The following RB1CC1 variants were observed in gnomAD, a reference collection of about 807,000 sequenced individuals.
The protein encoded by RB1CC1 is RB1-inducible coiled-coil protein 1.
RB1CC1 carries 46 observed loss-of-function variants against 177.5 expected under a neutral mutation model. The ratio of observed to expected loss-of-function variants is 0.26; its 90% CI spans 0.20 to 0.33. The LOEUF is 0.33. Ranked by LOEUF, RB1CC1 falls within the 10% of genes least tolerant of loss-of-function variation. RB1CC1 has a pLI of 1.00. For synonymous variants in RB1CC1, 666 were observed against 613.6 expected (o/e 1.09, Z -1.26); for missense variants, 1,703 against 1,816.3 (o/e 0.94, Z 1.13).
At chr8:52,701,111 T>C (rs1461258045) in intron 1 of RB1CC1, among the ~76,000 whole-genome samples, 1 of 152,076 alleles carries the variant, frequency 6.6e-6, no homozygotes, top group Non-Finnish European at 1.5e-5. Flanking sequence ...TATAACAATG[T>C]GTGAAGGACC....
At chr8:52,667,213 T>C (rs1852145192) in intron 8 of RB1CC1, among the ~76,000 whole-genome samples, 1 of 152,152 alleles carries the variant, frequency 6.6e-6, no homozygotes, top group Non-Finnish European at 1.5e-5. Context: ...AAATTGAACT[T>C]ATCACTAAAA....
intron 15 of RB1CC1, among the ~76,000 whole-genome samples, chr8:52,650,103 G>A (rs1398808495): frequency 6.6e-6 from 1 of 152,190 alleles, no homozygotes; most frequent in African/African-American, 2.4e-5. Context: ...CTCCTTGGCA[G>A]CTGGCCCCTC....
At position 52,668,083 on chromosome 8, in the gene RB1CC1, C is replaced by T. The variant is rs750311892; in HGVS notation, c.1111G>A (p.Ala371Thr). 49 of 1,614,108 alleles carry T rather than the reference C, an allele frequency of 3.0e-5. No homozygotes were observed. The highest frequency in any genetic ancestry group is 3.3e-4 in the Middle Eastern group (2 of 6,062). Residue 371 changes from alanine (A) to threonine (T), a missense_variant, in exon 8 of 24, where the codon GCC becomes ACC. Ala to Thr is a moderately conservative substitution (Grantham distance 58). This residue lies in a region of RB1CC1 where 315 missense variants were observed against 304.9 expected (regional missense o/e 1.03). Coordinates refer to ENST00000025008, the MANE Select transcript of RB1CC1 (RefSeq NM_014781.5). ...CAGCTAGCAATCATCTGGTCCAGGG[C>T]GTAGAGCCGATCTTCAAGTCCTTTA... is the stretch of plus-strand genomic sequence containing the variant. The part of the protein sequence containing the change: ...AIKGLEDRLY[A>T]LDQMIASCGR...
At chr8:52,698,297 T>C (rs1855637675) in intron 1 of RB1CC1, among the ~76,000 whole-genome samples, 3 of 152,086 alleles carry the variant, frequency 2.0e-5, no homozygotes, top group South Asian at 4.2e-4. Context: ...CAGGGTTGTC[T>C]TGAATAGAAA....
chr8:52,676,278 C>T (rs1422778798), intron 6 of RB1CC1, 91 bp downstream of exon 6: 4 of 1,135,754 alleles, frequency 3.5e-6, no homozygotes, highest in Non-Finnish European at 5.2e-6. Flanking sequence ...AAATATATGG[C>T]CTATAAGAAA....
At chr8:52,645,662 T>A in intron 16 of RB1CC1, 40 bp downstream of exon 16, 1 of 1,578,250 alleles carries the variant, frequency 6.3e-7, no homozygotes, top group Non-Finnish European at 8.6e-7. Context: ...TATGTCTACC[T>A]TCTTTAGTTC....
chr8:52,714,094 C>G lies in RB1CC1; in HGVS notation c.-186G>C. 2.8e-6 allele frequency: 1 copy of G among 352,158 alleles called. No individual in the cohort carries two copies. Among genetic ancestry groups the G allele is most frequent in the Non-Finnish European group, 5.7e-6 (1 of 174,538 alleles). 21.8% of individuals were successfully genotyped at this position (352,158 alleles called of 1,614,324 possible). A position where few individuals can be genotyped will look rare whatever the true frequency, so the allele number is the denominator to read the frequency against. On this transcript the variant is annotated 5_prime_UTR_variant, in exon 1 of 24. Coordinates refer to ENST00000025008, the MANE Select transcript of RB1CC1 (RefSeq NM_014781.5). ...ACTTACCCGGCAACGCCTCCTCCTT[C>G]GCCGGCGGCAGCAGCAGAGCCAGCG... is the stretch of plus-strand genomic sequence containing the variant.
intron 15 of RB1CC1, among the ~76,000 whole-genome samples, chr8:52,652,252 G>A (rs568002989): frequency 2.0e-5 from 3 of 151,970 alleles, no homozygotes; most frequent in Non-Finnish European, 4.4e-5. Flanking sequence ...AGATCACAAG[G>A]TCAGGAGATC....
intron 18 of RB1CC1, among the ~76,000 whole-genome samples, chr8:52,641,244 CG>C (rs1462384769): frequency 3.3e-5 from 5 of 151,624 alleles, no homozygotes; most frequent in African/African-American, 1.2e-4. Flanking sequence ...ATTAGCCAGG[CG>C]TGGTGGCAGG....
At chr8:52,676,000 A>C (rs1408088802) in intron 6 of RB1CC1, among the ~76,000 whole-genome samples, 6 of 152,024 alleles carry the variant, frequency 3.9e-5, no homozygotes, top group Non-Finnish European at 8.8e-5. Flanking sequence ...ATTTTCCTCC[A>C]TTGTCCAGTG....
chr8:52,680,211 T>C (rs1172514968), intron 5 of RB1CC1, among the ~76,000 whole-genome samples: 3 of 152,328 alleles, frequency 2.0e-5, no homozygotes, highest in African/African-American at 7.2e-5. Flanking sequence ...ATGGAAATTA[T>C]AACCAAATTC....
intron 1 of RB1CC1, among the ~76,000 whole-genome samples, chr8:52,702,027 C>G (rs145379017): frequency 2.0e-5 from 3 of 151,966 alleles, no homozygotes; most frequent in Non-Finnish European, 4.4e-5. Context: ...AGGCTGGTCT[C>G]GAACTCTTGA....
chr8:52,634,973 A>C lies in RB1CC1; in HGVS notation c.4393-5T>G. 1 of 1,606,668 alleles carries C rather than the reference A, an allele frequency of 6.2e-7. No homozygotes were observed. Among genetic ancestry groups the C allele is most frequent in the Non-Finnish European group, 8.5e-7 (1 of 1,176,060 alleles). On this transcript the variant is annotated splice_region_variant and splice_polypyrimidine_tract_variant and intron_variant, in intron 19 of 23. Coordinates refer to ENST00000025008, the MANE Select transcript of RB1CC1 (RefSeq NM_014781.5). ...TTCTTCTTTCAATTGCAATGTCTGC[A>C]GGTGGAAAAAAGAGACCTGTGGTTT...
chr8:52,684,865 A>G (rs946307536), intron 3 of RB1CC1, among the ~76,000 whole-genome samples: 2 of 152,192 alleles, frequency 1.3e-5, no homozygotes, highest in African/African-American at 2.4e-5. Flanking sequence ...TGATCTGTTT[A>G]CTGTTTACAT....
At chr8:52,690,855 CATACGT>C (rs1035998421) in intron 1 of RB1CC1, among the ~76,000 whole-genome samples, 2 of 152,184 alleles carry the variant, frequency 1.3e-5, no homozygotes, top group Non-Finnish European at 2.9e-5. Flanking sequence ...TCTCTCTCCA[CATACGT>C]ATACACACAG....
intron 4 of RB1CC1, 63 bp downstream of exon 4, chr8:52,683,824 C>G: frequency 6.3e-7 from 1 of 1,581,056 alleles, no homozygotes; most frequent in Admixed American, 1.8e-5. Flanking sequence ...CTTTTGAACA[C>G]TGAGTTCCCA....
At position 52,623,842 on chromosome 8, in the gene RB1CC1, T is replaced by A; in HGVS notation, c.4725A>T (p.Lys1575Asn). The A allele has an allele frequency of 6.2e-7, 1 of 1,608,284 alleles. No homozygotes were observed. Among genetic ancestry groups the A allele is most frequent in the Non-Finnish European group, 8.5e-7 (1 of 1,175,260 alleles). Residue 1575 changes from lysine to asparagine, a missense_variant, in exon 24 of 24, where the codon AAA (lysine) becomes AAT (asparagine). Physicochemically the swap from Lys to Asn is moderately conservative, Grantham distance 94 (BLOSUM62 0). Around this residue, in one of 6 missense-constraint regions of RB1CC1, gnomAD observed 70 missense variants for 118.0 expected, o/e 0.59. Transcript: ENST00000025008. Reference sequence around the variant, plus strand: ...TGTAAAACTTTGTCCCCAAAGGAACTTTAAATCTGTTTTGTGCCTAAGAGG... The same window carrying A: ...TGTAAAACTTTGTCCCCAAAGGAACATTAAATCTGTTTTGTGCCTAAGAGG... ...CQAKKAQNRFKVPLGTKFYRV... is the reference protein window; with the variant it reads ...CQAKKAQNRFNVPLGTKFYRV...
At chr8:52,712,299 G>A (rs893527707) in intron 1 of RB1CC1, among the ~76,000 whole-genome samples, 19 of 152,060 alleles carry the variant, frequency 1.2e-4, no homozygotes, top group African/African-American at 4.6e-4. Context: ...AAGCATGTAG[G>A]TGCTCAAATA....
At chr8:52,670,068 C>T (rs1262856572) in intron 7 of RB1CC1, among the ~76,000 whole-genome samples, 1 of 152,152 alleles carries the variant, frequency 6.6e-6, no homozygotes, top group South Asian at 2.1e-4. Context: ...GCATCCCTAA[C>T]TGCTGGGACT....
Sources: allele counts gnomAD v4.1 joint callset (sites outside exome capture counted in the v4.1 genomes callset), GRCh38; gene constraint gnomAD v4.1.1; regional missense constraint gnomAD v4.1.1; transcripts MANE v1.5; gene names NCBI Gene and HGNC (gene_info 2026-07-23, HGNC 2026-07-21).